GCFC2: variants seen among roughly 807,000 people sequenced by gnomAD.
GCFC2 encodes the protein GC-rich sequence DNA-binding factor 2.
In GCFC2, 102 loss-of-function variants were observed where a neutral mutation model predicts 99.4. The observed-to-expected ratio is 1.03, with a 90% CI of 0.87 to 1.21. GCFC2 has a LOEUF of 1.21. Ranked by LOEUF, GCFC2 falls within the 50% of genes most tolerant of loss-of-function variation. GCFC2 has a pLI of 0.00. For missense variants in GCFC2, 973 were observed against 920.9 expected, an observed-to-expected ratio of 1.06 and a Z score of -0.73; for synonymous variants, 338 against 316.8, an observed-to-expected ratio of 1.07 and a Z score of -0.71.
In GCFC2 at chr2:75,704,649, C is replaced by T. The variant is rs569419747; in HGVS notation, c.394+1874G>A. Among the ~76,000 whole-genome samples the T allele has an allele frequency of 3.9e-5, 6 of 152,368 alleles. No homozygotes were observed. In the East Asian group the frequency reaches 1.2e-3, roughly 29 times the overall value. ...TGGGGGCAGTGCTGCCAACACTTTA[C>T]AACCACTGCCTTATCCTGTTTAATC... is the stretch of plus-strand genomic sequence containing the variant. On this transcript the variant is annotated intron_variant, in intron 2 of 16. Transcript: ENST00000321027.
At chr2:75,707,356 G>A (rs1680919077) in intron 1 of GCFC2, among the ~76,000 whole-genome samples, 2 of 152,158 alleles carry the variant, frequency 1.3e-5, no homozygotes, top group Admixed American at 1.3e-4. Context: ...CCACAGGGGT[G>A]TTGTGAAAAT....
At chr2:75,693,830 T>G (rs1680191406) in intron 6 of GCFC2, among the ~76,000 whole-genome samples, 1 of 152,092 alleles carries the variant, frequency 6.6e-6, no homozygotes, top group African/African-American at 2.4e-5. Flanking sequence ...AGAGTTTGCT[T>G]GAGATCAAAA....
Position 75,664,551 on chromosome 2 carries a change from TCAAATCCTAC to T in GCFC2, c.*105_*114del. ...TACAGAGGTGGAGTCCTGCTTTTTT[TCAAATCCTAC>T]CTTCTATTACAGGGAATAAAGAAGA... is the stretch of plus-strand genomic sequence containing the variant. On this transcript the variant is annotated 3_prime_UTR_variant, in exon 17 of 17. Coordinates refer to ENST00000321027, the MANE Select transcript of GCFC2 (RefSeq NM_003203.5). The T allele has an allele frequency of 3.5e-6, 2 of 573,404 alleles. No individual in the cohort carries two copies. Among genetic ancestry groups the T allele is most frequent in the African/African-American group, 1.9e-5 (1 of 52,712 alleles). The allele number at this position is 573,404 out of a possible 1,614,324, so 35.5% of individuals were successfully genotyped here. A position where few individuals can be genotyped will look rare whatever the true frequency, so the allele number is the denominator to read the frequency against.
chr2:75,665,895 CT>C (rs763127572), intron 16 of GCFC2, 33 bp downstream of exon 16: 1 of 1,425,290 alleles, frequency 7.0e-7, no homozygotes, highest in Admixed American at 1.9e-5. Flanking sequence ...TCCATGAACT[CT>C]CTTTATAGAA....
intron 5 of GCFC2, among the ~76,000 whole-genome samples, chr2:75,694,817 T>C (rs560987006): frequency 1.3e-5 from 2 of 152,106 alleles, no homozygotes; most frequent in African/African-American, 4.8e-5. Context: ...GCAGGGTATA[T>C]AATGTCCTTT....
chr2:75,690,527 T>A, intron 8 of GCFC2, 111 bp downstream of exon 8: 1 of 683,310 alleles, frequency 1.5e-6, no homozygotes. Context: ...TCTTACAAAT[T>A]AATAATGTAT....
intron 12 of GCFC2, among the ~76,000 whole-genome samples, chr2:75,674,205 G>A (rs774525508): frequency 5.9e-5 from 9 of 152,026 alleles, no homozygotes; most frequent in Non-Finnish European, 1.3e-4. Context: ...TTTTGTATTA[G>A]GTTCTGTCTT....
At chr2:75,675,364 A>G (rs1201819113) in intron 12 of GCFC2, among the ~76,000 whole-genome samples, 2 of 148,888 alleles carry the variant, frequency 1.3e-5, no homozygotes, top group East Asian at 3.9e-4. Context: ...AAATCTTGGT[A>G]AAGGGAATAT....
Position 75,690,226 on chromosome 2 carries a change from G to A in GCFC2, c.1227-145C>T, listed in dbSNP as rs145137640. On this transcript the variant is annotated intron_variant, in intron 8 of 16. Coordinates refer to ENST00000321027, the MANE Select transcript of GCFC2 (RefSeq NM_003203.5). ...GCCAGAAATATACTATCATATCAGC[G>A]CACAATTTTATTAATATTTTTGACA... 3.4e-3 allele frequency: 1,994 copies of A among 592,080 alleles called. 2 individuals are homozygous for A. The highest frequency in any genetic ancestry group is 4.1e-3 in the Non-Finnish European group (1,364 of 334,876). 36.7% of individuals were successfully genotyped at this position (592,080 alleles called of 1,614,324 possible).
chr2:75,703,784 A>T (rs1019535094), intron 2 of GCFC2, among the ~76,000 whole-genome samples: 4 of 152,198 alleles, frequency 2.6e-5, no homozygotes, highest in African/African-American at 9.7e-5. Flanking sequence ...GGCAGAGCTG[A>T]GCAGAAGTAT....
At chr2:75,698,590 A>G (rs932376382) in intron 4 of GCFC2, among the ~76,000 whole-genome samples, 2 of 152,192 alleles carry the variant, frequency 1.3e-5, no homozygotes, top group African/African-American at 2.4e-5. Flanking sequence ...TGTGGTTCCT[A>G]AACTGTGTGC....
intron 1 of GCFC2, 100 bp downstream of exon 1, chr2:75,710,491 G>A: frequency 7.2e-7 from 1 of 1,393,092 alleles, no homozygotes; most frequent in Admixed American, 3.3e-5. Flanking sequence ...CTTGTGGTCG[G>A]CAGCAAGTTA....
chr2:75,676,461 T>C (rs1228944452), intron 12 of GCFC2, among the ~76,000 whole-genome samples: 1 of 145,378 alleles, frequency 6.9e-6, no homozygotes, highest in Admixed American at 6.9e-5. Context: ...AAGATGAATA[T>C]CATACTTTTT....
At chr2:75,703,989 A>G (rs1680722617) in intron 2 of GCFC2, among the ~76,000 whole-genome samples, 1 of 152,236 alleles carries the variant, frequency 6.6e-6, no homozygotes. Flanking sequence ...AGTGCTACAT[A>G]AAGGTAACTG....
At chr2:75,679,706 G>T in intron 12 of GCFC2, 1 of 398,362 alleles carries the variant, frequency 2.5e-6, no homozygotes, top group South Asian at 1.3e-4. Flanking sequence ...CAAAGGTAAT[G>T]AGTATTGTTG....
chr2:75,700,861 A>C (rs1680554442), intron 4 of GCFC2, among the ~76,000 whole-genome samples: 1 of 152,188 alleles, frequency 6.6e-6, no homozygotes. Flanking sequence ...GTAGGCCCTA[A>C]ACCCAATGAC....
Position 75,696,241 on chromosome 2 carries a change from C to G in GCFC2, c.792G>C (p.Pro264=). 1 of 1,485,954 alleles carries G rather than the reference C, an allele frequency of 6.7e-7. No homozygotes were observed. The highest frequency in any genetic ancestry group is 9.4e-7 in the Non-Finnish European group (1 of 1,065,004). 92.0% of individuals were successfully genotyped at this position (1,485,954 alleles called of 1,614,324 possible). Residue 264 remains proline, a synonymous_variant, in exon 5 of 17, where the codon CCG becomes CCC. Coordinates refer to ENST00000321027, the MANE Select transcript of GCFC2 (RefSeq NM_003203.5). The part of the protein sequence containing the change: ...VKKFDTSISF[P]PVNLEIIKKQ... ...TCTTTATAATTTCTAAATTTACTGG[C>G]GGAAATGAAATGGAAGTATCAAATT...
upstream of GCFC2, among the ~76,000 whole-genome samples, chr2:75,712,573 C>T (rs538720407): frequency 3.9e-5 from 6 of 152,274 alleles, no homozygotes; most frequent in South Asian, 1.2e-3. Context: ...TGGCAACCCG[C>T]TCCGGTCCCC....
chr2:75,700,982 A>G (rs1381877994), intron 4 of GCFC2, among the ~76,000 whole-genome samples: 4 of 152,208 alleles, frequency 2.6e-5, no homozygotes, highest in African/African-American at 9.7e-5. Flanking sequence ...TGGAATGACC[A>G]GAAGTTGCAA....
Sources: gnomAD v4.1 joint callset for allele counts (sites outside exome capture counted in the v4.1 genomes callset) on GRCh38, gnomAD v4.1.1 for gene constraint, MANE v1.5 for transcripts, NCBI Gene and HGNC (gene_info 2026-07-23, HGNC 2026-07-21) for gene names.